The following CACNA1E variants were observed in gnomAD, a reference collection of about 807,000 sequenced individuals.
CACNA1E encodes the protein calcium voltage-gated channel subunit alpha1 E.
In CACNA1E, 40 loss-of-function variants were observed where a neutral mutation model predicts 259.2. That is an observed-to-expected ratio of 0.15 (90% confidence interval 0.12 to 0.20). The LOEUF is 0.20. Among genes scored for constraint, CACNA1E ranks in the 10% least tolerant of loss-of-function variants. The probability of loss-of-function intolerance (pLI) is 1.00; values close to 1 mark genes in which losing one functional copy is unlikely to be tolerated. For missense variants in CACNA1E, 1,874 were observed against 3,040.1 expected, an observed-to-expected ratio of 0.62 and a Z score of 9.02; for synonymous variants, 1,104 against 1,138.5, an observed-to-expected ratio of 0.97 and a Z score of 0.61.
At chr1:181,474,035 T>C (rs1662682408) in intron 2 of CACNA1E, among the ~76,000 whole-genome samples, 1 of 152,234 alleles carries the variant, frequency 6.6e-6, no homozygotes, top group East Asian at 1.9e-4. Context: ...ATAAACAGCA[T>C]CACCTATACT....
At chr1:181,431,646 C>G (rs1659725129) in intron 2 of CACNA1E, among the ~76,000 whole-genome samples, 1 of 152,158 alleles carries the variant, frequency 6.6e-6, no homozygotes, top group Admixed American at 6.5e-5. Flanking sequence ...CAGCCATTTC[C>G]AGGGCCCTTG....
At position 181,806,330 on chromosome 1, in the gene CACNA1E, G is replaced by T. The variant is rs753261309; in HGVS notation, c.*7496G>T. 2 of 152,252 alleles carry T rather than the reference G, an allele frequency of 1.3e-5. No individual in the cohort carries two copies. Among genetic ancestry groups the T allele is most frequent in the Non-Finnish European group, 2.9e-5 (2 of 68,080 alleles). The allele number at this position is 152,252 out of a possible 1,614,324, so 9.4% of individuals were successfully genotyped here. A position where few individuals can be genotyped will look rare whatever the true frequency, so the allele number is the denominator to read the frequency against. The stretch of plus-strand genomic sequence containing the variant: ...CCTCAAATAACAACATTGCAAGGAG[G>T]TGGACTACAGGGTCCACACCCTCTG... On this transcript the variant is annotated 3_prime_UTR_variant, in exon 48 of 48. Coordinates refer to ENST00000367573, the MANE Select transcript of CACNA1E (RefSeq NM_001205293.3).
At chr1:181,424,610 A>G (rs575646372) in intron 2 of CACNA1E, among the ~76,000 whole-genome samples, 13 of 152,264 alleles carry the variant, frequency 8.5e-5, no homozygotes, top group Admixed American at 5.2e-4. Flanking sequence ...CATCTCTTGC[A>G]GAGAACGAAT....
chr1:181,455,306 G>A (rs761618664), intron 2 of CACNA1E, among the ~76,000 whole-genome samples: 10 of 152,168 alleles, frequency 6.6e-5, no homozygotes, highest in Non-Finnish European at 1.2e-4. Context: ...TTGAGGAGTG[G>A]AGTGCTCAGG....
intron 6 of CACNA1E, among the ~76,000 whole-genome samples, chr1:181,608,353 G>A (rs1458044899): frequency 6.6e-6 from 1 of 152,216 alleles, no homozygotes; most frequent in Non-Finnish European, 1.5e-5. Context: ...CTATGGAGCA[G>A]TTGAAGAAAT....
intron 1 of CACNA1E, among the ~76,000 whole-genome samples, chr1:181,328,419 A>G (rs146570824): frequency 6.6e-6 from 1 of 152,300 alleles, no homozygotes; most frequent in East Asian, 1.9e-4. Flanking sequence ...CATTCAGACA[A>G]TAGCAAGGAG....
intron 7 of CACNA1E, among the ~76,000 whole-genome samples, chr1:181,693,611 C>A (rs1651419713): frequency 6.6e-6 from 1 of 152,030 alleles, no homozygotes; most frequent in Admixed American, 6.6e-5. Flanking sequence ...TAATTGGGCA[C>A]TCATGGACAT....
chr1:181,626,701 G>A (rs1432146943), intron 6 of CACNA1E, among the ~76,000 whole-genome samples: 1 of 152,200 alleles, frequency 6.6e-6, no homozygotes, highest in Non-Finnish European at 1.5e-5. Flanking sequence ...CGTTCTCTGA[G>A]GTCCCTCCGA....
chr1:181,748,466 C>G (rs1398337126), intron 25 of CACNA1E, among the ~76,000 whole-genome samples: 1 of 152,170 alleles, frequency 6.6e-6, no homozygotes, highest in African/African-American at 2.4e-5. Flanking sequence ...GCAGAAGACG[C>G]ATGTCTATGA....
chr1:181,721,926 C>A, intron 16 of CACNA1E, 51 bp downstream of exon 16: 2 of 1,184,818 alleles, frequency 1.7e-6, no homozygotes, highest in Non-Finnish European at 2.5e-6. Flanking sequence ...CCTGGACCAG[C>A]ATTTGAGGAG....
chr1:181,372,023 C>T (rs925379585), intron 1 of CACNA1E, among the ~76,000 whole-genome samples: 5 of 152,114 alleles, frequency 3.3e-5, no homozygotes, highest in Non-Finnish European at 7.4e-5. Flanking sequence ...TAACGTGATA[C>T]CTCAGGTAAT....
intron 1 of CACNA1E, among the ~76,000 whole-genome samples, chr1:181,489,828 C>T (rs16857411): frequency 0.011 from 1,610 of 152,238 alleles, 48 homozygotes; most frequent in East Asian, 0.088. Flanking sequence ...TCTAACACTC[C>T]GCCACCACTA....
chr1:181,534,328 CTG>C (rs1219025316), intron 3 of CACNA1E, among the ~76,000 whole-genome samples: 1 of 152,042 alleles, frequency 6.6e-6, no homozygotes, highest in Non-Finnish European at 1.5e-5. Context: ...CTATTGAAAA[CTG>C]AGTTAAAAGT....
chr1:181,362,831 CTT>C (rs138943419), intron 1 of CACNA1E, among the ~76,000 whole-genome samples: 1,696 of 152,308 alleles, frequency 0.011, 20 homozygotes, highest in African/African-American at 0.038. Flanking sequence ...AAACCAGACT[CTT>C]TTCCTGTTTT....
At chr1:181,585,602 T>C (rs1407793259) in intron 6 of CACNA1E, among the ~76,000 whole-genome samples, 2 of 152,108 alleles carry the variant, frequency 1.3e-5, no homozygotes, top group Non-Finnish European at 2.9e-5. Flanking sequence ...AGAACTTGGT[T>C]GCAATTTTAA....
At chr1:181,372,458 A>G (rs1654770274) in intron 1 of CACNA1E, among the ~76,000 whole-genome samples, 3 of 152,158 alleles carry the variant, frequency 2.0e-5, no homozygotes, top group Non-Finnish European at 4.4e-5. Flanking sequence ...ATATCCTGAA[A>G]CTTTACTGAA....
At chr1:181,558,485 G>A (rs1336794388) in intron 3 of CACNA1E, among the ~76,000 whole-genome samples, 1 of 152,170 alleles carries the variant, frequency 6.6e-6, no homozygotes, top group African/African-American at 2.4e-5. Context: ...GGAAAGGGTG[G>A]TTTGGGAAAC....
chr1:181,546,234 G>T (rs915562164), intron 3 of CACNA1E, among the ~76,000 whole-genome samples: 1 of 152,148 alleles, frequency 6.6e-6, no homozygotes, highest in East Asian at 1.9e-4. Flanking sequence ...GAGGCTGGAA[G>T]AGAGGACTGT....
At chr1:181,562,528 A>G (rs80231151) in intron 3 of CACNA1E, among the ~76,000 whole-genome samples, 8,732 of 152,310 alleles carry the variant, frequency 0.057, 351 homozygotes, top group Middle Eastern at 0.12. Context: ...GTGATGCTCC[A>G]TGCCAGGATC....
Sources: allele counts gnomAD v4.1 joint callset (sites outside exome capture counted in the v4.1 genomes callset), GRCh38; gene constraint gnomAD v4.1.1; transcripts MANE v1.5; gene names NCBI Gene and HGNC (gene_info 2026-07-23, HGNC 2026-07-21).